The following TRAPPC11 variants were observed in gnomAD, a reference collection of about 807,000 sequenced individuals.
The protein encoded by TRAPPC11 is foie gras homolog.
Under a neutral mutation model 151.2 loss-of-function variants are expected in TRAPPC11, and 104 were observed. That is an observed-to-expected ratio of 0.69 (90% CI 0.59 to 0.81). TRAPPC11 has a LOEUF of 0.81. Ranked by LOEUF, TRAPPC11 falls within the 30% of genes least tolerant of loss-of-function variation. TRAPPC11 has a pLI of 0.00. For synonymous variants in TRAPPC11, 456 were observed against 472.3 expected, an observed-to-expected ratio of 0.97 and a Z score of 0.45; for missense variants, 1,230 against 1,349.6, an observed-to-expected ratio of 0.91 and a Z score of 1.39.
chr4:183,668,252 A>C lies in TRAPPC11; in HGVS notation c.560+135A>C, dbSNP rs550927056. On this transcript the variant is annotated intron_variant, in intron 5 of 29. Coordinates refer to ENST00000334690, the MANE Select transcript of TRAPPC11 (RefSeq NM_021942.6). The stretch of plus-strand genomic sequence containing the variant: ...ATATGATACAGAGGCTATGGGGTAA[A>C]AATAAAAGTCTTTTTTGTTAAATTC... The C allele has an allele frequency of 3.2e-5, 16 of 505,936 alleles. No homozygotes were observed. The Admixed American group carries it at 4.3e-4, about 14-fold the overall frequency. The allele number at this position is 505,936 out of a possible 1,614,324, so 31.3% of individuals were successfully genotyped here.
intron 5 of TRAPPC11, among the ~76,000 whole-genome samples, chr4:183,672,848 G>A (rs1735219227): frequency 6.6e-6 from 1 of 152,070 alleles, no homozygotes; most frequent in South Asian, 2.1e-4. Flanking sequence ...TCTCTATTGA[G>A]AAGGATTTTT....
intron 17 of TRAPPC11, 58 bp from the exon 18 acceptor site, chr4:183,686,560 G>A (rs1735978672): frequency 1.3e-6 from 2 of 1,588,996 alleles, no homozygotes; most frequent in Non-Finnish European, 1.7e-6. Context: ...TTAACAGGAT[G>A]TGTGTGGGTC....
intron 18 of TRAPPC11, among the ~76,000 whole-genome samples, chr4:183,688,690 G>A (rs984332618): frequency 2.0e-5 from 3 of 152,086 alleles, no homozygotes; most frequent in African/African-American, 7.2e-5. Flanking sequence ...CCTTGCCCAG[G>A]GATTTCCTCT....
At chr4:183,704,866 C>T in intron 26 of TRAPPC11, 113 bp from the exon 27 acceptor site, 1 of 539,166 alleles carries the variant, frequency 1.9e-6, no homozygotes, top group Non-Finnish European at 3.3e-6. Flanking sequence ...GGATAAGTAA[C>T]ATTTCCTTTG....
intron 19 of TRAPPC11, 21 bp downstream of exon 19, chr4:183,691,492 T>C (rs769215824): frequency 1.0e-5 from 14 of 1,360,378 alleles, no homozygotes; most frequent in Non-Finnish European, 1.4e-5. Flanking sequence ...AAATTTGTTT[T>C]AAAATATTTT....
chr4:183,678,292 A>T (rs1412173464), intron 8 of TRAPPC11, among the ~76,000 whole-genome samples: 1 of 152,222 alleles, frequency 6.6e-6, no homozygotes, highest in East Asian at 1.9e-4. Context: ...TGTCTATCAC[A>T]GGAATAGGTG....
chr4:183,666,095 A>G (rs1321250742), intron 2 of TRAPPC11, 162 bp from the exon 3 acceptor site: 13 of 567,810 alleles, frequency 2.3e-5, no homozygotes, highest in East Asian at 8.9e-5. Context: ...TCCACCTTCA[A>G]CACTTACTAG....
intron 14 of TRAPPC11, 67 bp from the exon 15 acceptor site, chr4:183,684,629 T>G: frequency 6.6e-7 from 1 of 1,517,416 alleles, no homozygotes; most frequent in Middle Eastern, 1.7e-4. Flanking sequence ...AAGTATTTTT[T>G]TCTCCATGAA....
chr4:183,695,672 C>T (rs1481722655), intron 23 of TRAPPC11, among the ~76,000 whole-genome samples: 1 of 152,100 alleles, frequency 6.6e-6, no homozygotes, highest in Admixed American at 6.6e-5. Flanking sequence ...GAATTGGGTC[C>T]TCAGCCCAGC....
intron 25 of TRAPPC11, among the ~76,000 whole-genome samples, chr4:183,699,568 T>G (rs1391013458): frequency 6.6e-6 from 1 of 152,198 alleles, no homozygotes; most frequent in Non-Finnish European, 1.5e-5. Context: ...TATTAGTTTC[T>G]TACTGCTGCT....
At chr4:183,703,711 G>C (rs1053245482) in intron 26 of TRAPPC11, among the ~76,000 whole-genome samples, 2 of 152,164 alleles carry the variant, frequency 1.3e-5, no homozygotes, top group African/African-American at 4.8e-5. Context: ...TTTGCCTGTT[G>C]CTTTTGCTCT....
rs750976634 is a variant in TRAPPC11, at chr4:183,708,410, C to G, written c.3193C>G (p.Arg1065Gly). 3.1e-6 allele frequency: 5 copies of G among 1,611,556 alleles called. No individual in the cohort carries two copies. The South Asian group carries it at 5.5e-5, about 18-fold the overall frequency. The change falls in exon 29 of 30, where the codon CGA becomes GGA. Residue 1065 changes from arginine (R) to glycine (G), a missense_variant. By Grantham distance (125) the Arg-to-Gly change is moderately radical. Coordinates refer to ENST00000334690, the MANE Select transcript of TRAPPC11 (RefSeq NM_021942.6). ...TCTGTGACTTTTTATGATGCAGATT[C>G]GATTACGTATCCTCCCTGGCACGGA... ...AFMFSGLKQI[R>G]LRILPGTEQE...
chr4:183,682,713 T>C lies in TRAPPC11; in HGVS notation c.1114-19T>C. On this transcript the variant is annotated intron_variant, in intron 10 of 29. Transcript: ENST00000334690. Reference sequence around the variant, plus strand: ...TGAGTTCCATAAACTATTATTTAGGTTTGTGTTTTAATTTACAGGCTTCTG... The same window carrying C: ...TGAGTTCCATAAACTATTATTTAGGCTTGTGTTTTAATTTACAGGCTTCTG... The C allele has an allele frequency of 6.4e-7, 1 of 1,562,476 alleles. No homozygotes were observed. The highest frequency in any genetic ancestry group is 1.2e-5 in the South Asian group (1 of 86,408).
chr4:183,704,518 C>CAAA (rs140497615), intron 26 of TRAPPC11, among the ~76,000 whole-genome samples: 10,135 of 86,128 alleles, frequency 0.12, 534 homozygotes, highest in East Asian at 0.22. Flanking sequence ...GAGACTGTCT[C>CAAA]AAAAAAAAAA....
intron 7 of TRAPPC11, 140 bp downstream of exon 7, chr4:183,675,377 A>G: frequency 2.4e-6 from 1 of 421,852 alleles, no homozygotes; most frequent in East Asian, 3.8e-5. Context: ...TGTAGAGATG[A>G]ATGGAGTATA....
At chr4:183,708,670 C>A in intron 29 of TRAPPC11, 96 bp downstream of exon 29, 3 of 1,146,888 alleles carry the variant, frequency 2.6e-6, no homozygotes, top group Non-Finnish European at 3.7e-6. Flanking sequence ...ATTTTGAGAC[C>A]AACAGTGATA....
In TRAPPC11 at chr4:183,663,556, A is replaced by G. The variant is rs139851460; in HGVS notation, c.-21-291A>G. On this transcript the variant is annotated intron_variant, in intron 1 of 29. Coordinates refer to ENST00000334690, the MANE Select transcript of TRAPPC11 (RefSeq NM_021942.6). The stretch of plus-strand genomic sequence containing the variant: ...CCAATTTTTTGTATTTTTAGTAGAG[A>G]CAAGGTTTCACTGTGTTGGCTAGGC... 1.8e-3 allele frequency among the ~76,000 whole-genome samples: 278 copies of G among 152,104 alleles called. 1 individual carries two copies. The highest frequency in any genetic ancestry group is 6.4e-3 in the African/African-American group (264 of 41,502).
intron 2 of TRAPPC11, among the ~76,000 whole-genome samples, chr4:183,665,284 C>T (rs541671953): frequency 2.6e-5 from 4 of 151,812 alleles, no homozygotes; most frequent in South Asian, 2.1e-4. Flanking sequence ...TTAGTAGAGA[C>T]GGGGTTTCAC....
chr4:183,660,764 A>T lies in TRAPPC11; in HGVS notation c.-22+1317A>T, dbSNP rs138403037. ...AGTCTTGCTCTGTTGCCCAGGCTGG[A>T]GTGCAGTGGTGCGATCTCGGCTCAC... On this transcript the variant is annotated intron_variant, in intron 1 of 29. Coordinates refer to ENST00000334690, the MANE Select transcript of TRAPPC11 (RefSeq NM_021942.6). Among the ~76,000 whole-genome samples the T allele has an allele frequency of 8.3e-4, 127 of 152,290 alleles. No homozygotes were observed. The East Asian group carries it at 0.024, about 29-fold the overall frequency.
Sources: gnomAD v4.1 joint callset for allele counts (sites outside exome capture counted in the v4.1 genomes callset) on GRCh38, gnomAD v4.1.1 for gene constraint, MANE v1.5 for transcripts, NCBI Gene and HGNC (gene_info 2026-07-23, HGNC 2026-07-21) for gene names.